IGF2BP3: variants seen among roughly 807,000 people sequenced by gnomAD.
The protein encoded by IGF2BP3 is insulin like growth factor 2 mRNA binding protein 3, also known as insulin-like growth factor 2 mRNA-binding protein 3.
In IGF2BP3, 9 loss-of-function variants were observed where a neutral mutation model predicts 73.8. The ratio of observed to expected loss-of-function variants is 0.12; its 90% CI spans 0.07 to 0.21. The LOEUF (loss-of-function observed/expected upper bound fraction) is 0.21, where lower values mean the gene tolerates loss of function less well. Ranked by LOEUF, IGF2BP3 falls within the 10% of genes least tolerant of loss-of-function variation. The pLI is 1.00. For synonymous variants in IGF2BP3, 258 were observed against 256.7 expected, an observed-to-expected ratio of 1.01 and a Z score of -0.05; for missense variants, 542 against 714.0, an observed-to-expected ratio of 0.76 and a Z score of 2.75.
chr7:23,435,020 G>A (rs931657330), intron 2 of IGF2BP3, among the ~76,000 whole-genome samples: 1 of 152,042 alleles, frequency 6.6e-6, no homozygotes, highest in South Asian at 2.1e-4. Context: ...AATGGGCCAG[G>A]CGTGGTGGCT....
rs184517373 is a variant in IGF2BP3, at chr7:23,346,824, C to T, written c.819-762G>A. Reference sequence around the variant, plus strand: ...GCCAGGATGGTCTTGATCTCTTGACCTCATGATCCACCCGCCTCGGCCTCC... The same window carrying T: ...GCCAGGATGGTCTTGATCTCTTGACTTCATGATCCACCCGCCTCGGCCTCC... On this transcript the variant is annotated intron_variant, in intron 7 of 14. Coordinates refer to ENST00000258729, the MANE Select transcript of IGF2BP3 (RefSeq NM_006547.3). Among the ~76,000 whole-genome samples, 39 of 152,204 alleles carry T rather than the reference C, an allele frequency of 2.6e-4. 1 individual carries two copies. In the East Asian group the frequency reaches 6.4e-3, roughly 25 times the overall value.
chr7:23,402,883 C>A (rs527690674), intron 3 of IGF2BP3, among the ~76,000 whole-genome samples: 2 of 152,264 alleles, frequency 1.3e-5, no homozygotes, highest in African/African-American at 4.8e-5. Context: ...ATGGAGAAAG[C>A]TTCACCCCTT....
At chr7:23,434,270 A>G (rs1425448821) in intron 2 of IGF2BP3, among the ~76,000 whole-genome samples, 1 of 152,118 alleles carries the variant, frequency 6.6e-6, no homozygotes, top group African/African-American at 2.4e-5. Flanking sequence ...TATTACTGCT[A>G]AGTGGATGTG....
intron 10 of IGF2BP3, among the ~76,000 whole-genome samples, chr7:23,319,854 G>A (rs1362297604): frequency 6.6e-6 from 1 of 152,154 alleles, no homozygotes; most frequent in Non-Finnish European, 1.5e-5. Flanking sequence ...CACTTTAGTG[G>A]TAAGATGCCC....
intron 2 of IGF2BP3, among the ~76,000 whole-genome samples, chr7:23,465,264 G>A (rs1217017762): frequency 6.6e-6 from 1 of 152,130 alleles, no homozygotes; most frequent in East Asian, 1.9e-4. Context: ...CCTATACTTC[G>A]GAGTCAAAGT....
At chr7:23,424,378 A>T (rs1398650917) in intron 2 of IGF2BP3, among the ~76,000 whole-genome samples, 1 of 151,824 alleles carries the variant, frequency 6.6e-6, no homozygotes, top group Non-Finnish European at 1.5e-5. Context: ...GGCACCTGTA[A>T]TCTCAGCTAC....
intron 3 of IGF2BP3, among the ~76,000 whole-genome samples, chr7:23,391,221 T>C (rs1786266693): frequency 6.6e-6 from 1 of 151,058 alleles, no homozygotes; most frequent in African/African-American, 2.4e-5. Flanking sequence ...TGCCTCAGCC[T>C]CCTGAGTAGC....
At chr7:23,362,236 A>G (rs1025062320) in intron 3 of IGF2BP3, among the ~76,000 whole-genome samples, 2 of 151,702 alleles carry the variant, frequency 1.3e-5, no homozygotes, top group African/African-American at 4.9e-5. Context: ...ACATAGTGAG[A>G]CCCCCCATCT....
chr7:23,388,139 G>A (rs1352879456), intron 3 of IGF2BP3, among the ~76,000 whole-genome samples: 13 of 151,858 alleles, frequency 8.6e-5, no homozygotes, highest in African/African-American at 2.4e-4. Context: ...GGGTTTCACC[G>A]TGTTAGCCAG....
At chr7:23,329,897 G>C (rs1453859258) in intron 10 of IGF2BP3, among the ~76,000 whole-genome samples, 1 of 152,182 alleles carries the variant, frequency 6.6e-6, no homozygotes, top group East Asian at 1.9e-4. Flanking sequence ...CACACCACCT[G>C]GTGGAGCCAC....
At chr7:23,407,384 G>C (rs1215270377) in intron 3 of IGF2BP3, among the ~76,000 whole-genome samples, 1 of 151,738 alleles carries the variant, frequency 6.6e-6, no homozygotes, top group African/African-American at 2.4e-5. Context: ...CGAGGCAAAT[G>C]GATCACCTCA....
intron 3 of IGF2BP3, among the ~76,000 whole-genome samples, chr7:23,410,839 A>G (rs998656593): frequency 6.6e-6 from 1 of 152,200 alleles, no homozygotes; most frequent in African/African-American, 2.4e-5. Flanking sequence ...TGTTAGAGCA[A>G]CCTGATTAAG....
intron 3 of IGF2BP3, among the ~76,000 whole-genome samples, chr7:23,367,065 G>T (rs185758397): frequency 3.2e-3 from 442 of 138,098 alleles, no homozygotes; most frequent in Non-Finnish European, 5.3e-3. Context: ...TGCAACCTCC[G>T]CCTCCCAGGC....
At chr7:23,412,434 A>C (rs1787052933) in intron 3 of IGF2BP3, among the ~76,000 whole-genome samples, 1 of 152,214 alleles carries the variant, frequency 6.6e-6, no homozygotes, top group South Asian at 2.1e-4. Context: ...ATTTTCTAGC[A>C]AGACTGTGAT....
intron 3 of IGF2BP3, among the ~76,000 whole-genome samples, chr7:23,387,959 T>C (rs1423623367): frequency 6.6e-6 from 1 of 152,074 alleles, no homozygotes; most frequent in Non-Finnish European, 1.5e-5. Flanking sequence ...TTTTTTGAGA[T>C]GGAGTCTCGC....
intron 2 of IGF2BP3, among the ~76,000 whole-genome samples, chr7:23,459,878 A>G (rs1448876725): frequency 6.6e-6 from 1 of 151,854 alleles, no homozygotes; most frequent in East Asian, 1.9e-4. Flanking sequence ...TTGGAACCTA[A>G]GATAGGTTCA....
At chr7:23,451,447 A>T (rs10950944) in intron 2 of IGF2BP3, among the ~76,000 whole-genome samples, 53,407 of 151,614 alleles carry the variant, frequency 0.35, 9,780 homozygotes, top group Middle Eastern at 0.41. Flanking sequence ...AAATTTTATG[A>T]TAACATGTAA....
In IGF2BP3 at chr7:23,351,388, C is replaced by T; in HGVS notation, c.600G>A (p.Leu200=). 6.2e-7 allele frequency: 1 copy of T among 1,613,882 alleles called. No homozygotes were observed. Among genetic ancestry groups the T allele is most frequent in the South Asian group, 1.1e-5 (1 of 91,060 alleles). Residue 200 remains leucine, a synonymous_variant, in exon 6 of 15, where the codon CTG becomes CTA. Coordinates refer to ENST00000258729, the MANE Select transcript of IGF2BP3 (RefSeq NM_006547.3). ...KQKPCDLPLR[L]LVPTQFVGAI... is the part of the protein sequence containing the mutation. ...CTCCAACAAATTGGGTGGGAACCAGCAGGCGCAGAGGCAAATCACATGGTT... is the reference window on the plus strand; with the variant it reads ...CTCCAACAAATTGGGTGGGAACCAGTAGGCGCAGAGGCAAATCACATGGTT...
chr7:23,466,455 C>T (rs1279768274), intron 2 of IGF2BP3, among the ~76,000 whole-genome samples: 1 of 152,206 alleles, frequency 6.6e-6, no homozygotes, highest in Non-Finnish European at 1.5e-5. Flanking sequence ...AAATCCTGAG[C>T]ATTTTAATGA....
Sources: gnomAD v4.1 joint callset for allele counts (sites outside exome capture counted in the v4.1 genomes callset) on GRCh38, gnomAD v4.1.1 for gene constraint, MANE v1.5 for transcripts, NCBI Gene and HGNC (gene_info 2026-07-23, HGNC 2026-07-21) for gene names.